Variants in CCDC170 observed in about 807,000 individuals in gnomAD.
The protein encoded by CCDC170 is coiled-coil domain containing 170.
CCDC170 carries 69 observed loss-of-function variants against 72.6 expected under a neutral mutation model. That is an observed-to-expected ratio of 0.95 (90% CI 0.78 to 1.16). CCDC170 has a LOEUF of 1.16. CCDC170 is among the 50% of genes most tolerant of loss of function. CCDC170 has a pLI of 0.00. For missense variants in CCDC170, 852 were observed against 832.5 expected (o/e 1.02, Z -0.29); for synonymous variants, 300 against 303.9 (o/e 0.99, Z 0.13).
chr6:151,513,084 T>C (rs1782171333), intron 1 of CCDC170, among the ~76,000 whole-genome samples: 1 of 152,190 alleles, frequency 6.6e-6, no homozygotes, highest in Non-Finnish European at 1.5e-5. Flanking sequence ...TTCTAACAGA[T>C]TTATAATAGT....
At chr6:151,546,973 G>A (rs1041871150) in intron 4 of CCDC170, among the ~76,000 whole-genome samples, 6 of 147,740 alleles carry the variant, frequency 4.1e-5, no homozygotes, top group Admixed American at 2.1e-4. Context: ...TCTCGGCCAC[G>A]TGAGCAGGTG....
Position 151,613,820 on chromosome 6 carries a change from T to A in CCDC170, c.1711-1623T>A, listed in dbSNP as rs533265614. ...TGAACATTTGTGTACAGTTTCTGTG[T>A]GGGCATAAGTTTTCAGTTCTCTTGC... On this transcript the variant is annotated intron_variant, in intron 9 of 10. Coordinates refer to ENST00000239374, the MANE Select transcript of CCDC170 (RefSeq NM_025059.4). Among the ~76,000 whole-genome samples the A allele has an allele frequency of 7.9e-5, 12 of 152,354 alleles. No homozygotes were observed. In the South Asian group the frequency reaches 2.5e-3, roughly 32 times the overall value.
In CCDC170 at chr6:151,508,616, A is replaced by G. The variant is rs180955504; in HGVS notation, c.57+14431A>G. Among the ~76,000 whole-genome samples, 44 of 151,494 alleles carry G rather than the reference A, an allele frequency of 2.9e-4. 1 individual carries two copies. The East Asian group carries it at 6.0e-3, about 21-fold the overall frequency. On this transcript the variant is annotated intron_variant, in intron 1 of 10. Transcript: ENST00000239374. ...TAATCCCAGCTACTCAGGAGGCTGA[A>G]GCACAAGAATTGCTTGAACCCAGGA... is the stretch of plus-strand genomic sequence containing the variant.
At chr6:151,565,894 G>A (rs1287052920) in intron 5 of CCDC170, among the ~76,000 whole-genome samples, 1 of 151,938 alleles carries the variant, frequency 6.6e-6, no homozygotes, top group East Asian at 1.9e-4. Flanking sequence ...TTTATTATGG[G>A]TCTAATCTTA....
In CCDC170 at chr6:151,573,248, T is replaced by A. The variant is rs776348582; in HGVS notation, c.849T>A (p.Ala283=). ...AGATCTTCCAAGAAAGGCTGCTTGC[T>A]GGCCAGCAGGTCTGGGATGCCTCAA... is the stretch of plus-strand genomic sequence containing the variant. ...EVKIFQERLL[A]GQQVWDASKQ... Residue 283 remains alanine, a synonymous_variant, in exon 6 of 11, where the codon GCT becomes GCA. Coordinates refer to ENST00000239374, the MANE Select transcript of CCDC170 (RefSeq NM_025059.4). The A allele has an allele frequency of 1.9e-6, 3 of 1,614,038 alleles. No individual in the cohort carries two copies. The highest frequency in any genetic ancestry group is 2.5e-6 in the Non-Finnish European group (3 of 1,180,020).
At chr6:151,541,932 T>G (rs1782698821) in intron 3 of CCDC170, among the ~76,000 whole-genome samples, 1 of 148,170 alleles carries the variant, frequency 6.7e-6, no homozygotes. Context: ...CAGGCTGGAG[T>G]GCAGTGACAT....
At chr6:151,557,214 C>T (rs1425769592) in intron 5 of CCDC170, among the ~76,000 whole-genome samples, 1 of 152,028 alleles carries the variant, frequency 6.6e-6, no homozygotes, top group Non-Finnish European at 1.5e-5. Flanking sequence ...CGAGACCATC[C>T]TGGCTAACAC....
At chr6:151,523,657 G>C (rs1356703101) in intron 1 of CCDC170, among the ~76,000 whole-genome samples, 2 of 150,438 alleles carry the variant, frequency 1.3e-5, no homozygotes, top group Admixed American at 6.6e-5. Context: ...TTGTACTACA[G>C]CCTGGGTGAC....
At chr6:151,495,815 T>C (rs1781901247) in intron 1 of CCDC170, among the ~76,000 whole-genome samples, 1 of 152,222 alleles carries the variant, frequency 6.6e-6, no homozygotes, top group African/African-American at 2.4e-5. Context: ...CTTTCATCTG[T>C]AAATACTCTG....
Position 151,573,390 on chromosome 6 carries a change from G to C in CCDC170, c.991G>C (p.Ala331Pro). ...SQYFSFREKIAALLRGRLSMT... is the reference protein window; with the variant it reads ...SQYFSFREKIPALLRGRLSMT... ...GTACTTCTCATTTAGGGAGAAAATC[G>C]CAGCCCTCCTTAGGGGCAGATTGAG... The change falls in exon 6 of 11, where the codon GCA becomes CCA. Residue 331 changes from alanine (A) to proline (P), a missense_variant. Transcript: ENST00000239374. 6.2e-7 allele frequency: 1 copy of C among 1,614,130 alleles called. No homozygotes were observed. Among genetic ancestry groups the C allele is most frequent in the Non-Finnish European group, 8.5e-7 (1 of 1,180,024 alleles).
intron 6 of CCDC170, among the ~76,000 whole-genome samples, 181 bp downstream of exon 6, chr6:151,573,672 A>G (rs1238569115): frequency 1.3e-5 from 2 of 152,212 alleles, no homozygotes; most frequent in African/African-American, 4.8e-5. Flanking sequence ...AGGCCTCACA[A>G]TCATGGCAGA....
chr6:151,519,496 C>G (rs577138871), intron 1 of CCDC170, among the ~76,000 whole-genome samples: 4 of 152,194 alleles, frequency 2.6e-5, no homozygotes, highest in African/African-American at 9.6e-5. Flanking sequence ...ACAGATAACA[C>G]AATAGTGGTC....
At chr6:151,597,331 T>A (rs574335343) in intron 9 of CCDC170, among the ~76,000 whole-genome samples, 3 of 152,062 alleles carry the variant, frequency 2.0e-5, no homozygotes, top group Middle Eastern at 3.4e-3. Context: ...TTTCACCATG[T>A]TGGCCAGACT....
intron 1 of CCDC170, among the ~76,000 whole-genome samples, chr6:151,512,092 AT>A (rs1403391781): frequency 6.6e-6 from 1 of 151,412 alleles, no homozygotes; most frequent in Non-Finnish European, 1.5e-5. Context: ...CAATCCTCTT[AT>A]CTCAACCTCC....
At chr6:151,519,748 G>A (rs1445875341) in intron 1 of CCDC170, among the ~76,000 whole-genome samples, 2 of 152,172 alleles carry the variant, frequency 1.3e-5, no homozygotes, top group African/African-American at 2.4e-5. Context: ...GGAATTCCCA[G>A]ACCGGAGGGT....
chr6:151,597,849 G>A (rs1776648274), intron 9 of CCDC170, among the ~76,000 whole-genome samples: 1 of 152,182 alleles, frequency 6.6e-6, no homozygotes, highest in African/African-American at 2.4e-5. Flanking sequence ...TAACATCCTG[G>A]CTCTTTGCAG....
At chr6:151,603,856 A>G (rs1202630429) in intron 9 of CCDC170, among the ~76,000 whole-genome samples, 1 of 152,078 alleles carries the variant, frequency 6.6e-6, no homozygotes, top group Non-Finnish European at 1.5e-5. Flanking sequence ...ATGATACAAC[A>G]CTTCTTATGT....
At chr6:151,607,212 G>T (rs377384613) in intron 9 of CCDC170, among the ~76,000 whole-genome samples, 1 of 152,066 alleles carries the variant, frequency 6.6e-6, no homozygotes, top group Admixed American at 6.5e-5. Flanking sequence ...GTCTACGGGG[G>T]TTGACCTTGG....
chr6:151,507,930 AG>A (rs1782088634), intron 1 of CCDC170, among the ~76,000 whole-genome samples: 1 of 151,336 alleles, frequency 6.6e-6, no homozygotes, highest in African/African-American at 2.4e-5. Context: ...AAAAAAAAAA[AG>A]AAAGAAAGAA....
Sources: gnomAD v4.1 joint callset for allele counts (sites outside exome capture counted in the v4.1 genomes callset) on GRCh38, gnomAD v4.1.1 for gene constraint, MANE v1.5 for transcripts, NCBI Gene and HGNC (gene_info 2026-07-23, HGNC 2026-07-21) for gene names.